The following PTPRN2 variants were observed in gnomAD, a reference collection of about 807,000 sequenced individuals.
PTPRN2 encodes the protein receptor-type tyrosine-protein phosphatase N2.
PTPRN2 carries 74 observed loss-of-function variants against 118.8 expected under a neutral mutation model. The ratio of observed to expected loss-of-function variants is 0.62; its 90% confidence interval spans 0.52 to 0.76. PTPRN2 has a LOEUF of 0.76. PTPRN2 is among the 30% of genes least tolerant of loss of function. The pLI is 0.00. For missense variants in PTPRN2, 1,481 were observed against 1,394.4 expected, an observed-to-expected ratio of 1.06 and a Z score of -0.99; for synonymous variants, 641 against 608.0, an observed-to-expected ratio of 1.05 and a Z score of -0.80.
At chr7:157,839,086 G>A (rs1191214563) in intron 12 of PTPRN2, among the ~76,000 whole-genome samples, 1 of 152,278 alleles carries the variant, frequency 6.6e-6, no homozygotes, top group African/African-American at 2.4e-5. Flanking sequence ...CGTCTTCCCT[G>A]GGGTGGCTAC....
At chr7:157,923,075 T>C (rs1798775118) in intron 11 of PTPRN2, among the ~76,000 whole-genome samples, 2 of 152,214 alleles carry the variant, frequency 1.3e-5, no homozygotes, top group African/African-American at 2.4e-5. Context: ...TAATGTAAAA[T>C]TTAGCCTAGG....
chr7:157,597,169 G>A (rs1227241122), intron 16 of PTPRN2, among the ~76,000 whole-genome samples: 1 of 152,232 alleles, frequency 6.6e-6, no homozygotes, highest in African/African-American at 2.4e-5. Flanking sequence ...ACAACACGGT[G>A]ACGCTAGCCG....
chr7:157,911,266 G>C (rs1006594750), intron 11 of PTPRN2, among the ~76,000 whole-genome samples: 2 of 152,200 alleles, frequency 1.3e-5, no homozygotes, highest in African/African-American at 4.8e-5. Flanking sequence ...GCAATGCGGT[G>C]ATCTCCAGGA....
chr7:158,399,062 T>C (rs1413932544), intron 2 of PTPRN2, among the ~76,000 whole-genome samples: 1 of 152,256 alleles, frequency 6.6e-6, no homozygotes, highest in Non-Finnish European at 1.5e-5. Context: ...TCTTCTTGTT[T>C]TTCCTGGAGT....
intron 1 of PTPRN2, among the ~76,000 whole-genome samples, chr7:158,491,228 C>G (rs1305659122): frequency 6.6e-6 from 1 of 152,220 alleles, no homozygotes; most frequent in Non-Finnish European, 1.5e-5. Flanking sequence ...CAGCCTCGCT[C>G]GTCTCACAAC....
chr7:157,575,656 C>T (rs1799996594), intron 19 of PTPRN2, among the ~76,000 whole-genome samples: 1 of 152,196 alleles, frequency 6.6e-6, no homozygotes, highest in Admixed American at 6.5e-5. Flanking sequence ...TTCTTTATGA[C>T]AATCTTTGTC....
At chr7:157,809,806 A>G (rs1805869564) in intron 12 of PTPRN2, among the ~76,000 whole-genome samples, 2 of 152,124 alleles carry the variant, frequency 1.3e-5, no homozygotes, top group Non-Finnish European at 1.5e-5. Flanking sequence ...CTGTGGTTTG[A>G]AGCCACCCAG....
rs1802690838 is a variant in PTPRN2 at position 158,319,527 on chromosome 7, T to TC, written c.164-2596dup. ...CCTCCCCCCACACACACAGCCTCCC[T>TC]CACACACACAGCCTCCCTCACACAC... On this transcript the variant is annotated intron_variant, in intron 2 of 22. Transcript: ENST00000389418. Among the ~76,000 whole-genome samples the TC allele has an allele frequency of 5.7e-5, 2 of 34,938 alleles. 1 individual carries two copies. The highest frequency in any genetic ancestry group is 1.0e-4 in the Non-Finnish European group (2 of 19,264). 22.9% of individuals were successfully genotyped at this position (34,938 alleles called of 152,430 possible). A position where few individuals can be genotyped will look rare whatever the true frequency, so the allele number is the denominator to read the frequency against.
intron 3 of PTPRN2, among the ~76,000 whole-genome samples, chr7:158,222,165 G>T (rs1462528384): frequency 6.6e-6 from 1 of 152,130 alleles, no homozygotes; most frequent in African/African-American, 2.4e-5. Context: ...AAAGCAGTTT[G>T]GAAATTTCTC....
chr7:158,185,216 C>T (rs1419598812), intron 5 of PTPRN2, among the ~76,000 whole-genome samples: 2 of 152,000 alleles, frequency 1.3e-5, no homozygotes, highest in Non-Finnish European at 2.9e-5. Context: ...AAATCTTTCT[C>T]TGTATGATTT....
intron 21 of PTPRN2, among the ~76,000 whole-genome samples, chr7:157,558,341 G>C (rs1357742406): frequency 6.6e-6 from 1 of 152,160 alleles, no homozygotes; most frequent in Non-Finnish European, 1.5e-5. Context: ...GTACATCCTG[G>C]AGCATCCGTG....
chr7:157,724,128 G>A (rs996263074), intron 12 of PTPRN2, among the ~76,000 whole-genome samples: 1 of 151,930 alleles, frequency 6.6e-6, no homozygotes, highest in Non-Finnish European at 1.5e-5. Flanking sequence ...TCTGAATCGC[G>A]CTGGTGTATC....
intron 2 of PTPRN2, among the ~76,000 whole-genome samples, chr7:158,342,986 T>C (rs1261109897): frequency 2.0e-5 from 3 of 152,190 alleles, no homozygotes; most frequent in Non-Finnish European, 4.4e-5. Context: ...CAGCTCTGCG[T>C]TGCAGTGAGC....
In PTPRN2 at chr7:158,319,451, C is replaced by T. The variant is rs199684524; in HGVS notation, c.164-2519G>A. ...ACACACACACAGCCTCCCTCACACA[C>T]GCACACAGCCTCCCTCACACACAAG... On this transcript the variant is annotated intron_variant, in intron 2 of 22. Coordinates refer to ENST00000389418, the MANE Select transcript of PTPRN2 (RefSeq NM_002847.5). Among the ~76,000 whole-genome samples, 7 of 110,648 alleles carry T rather than the reference C, an allele frequency of 6.3e-5. 2 individuals are homozygous for T. The highest frequency in any genetic ancestry group is 1.1e-4 in the African/African-American group (3 of 27,540). The allele number at this position is 110,648 out of a possible 152,430, so 72.6% of individuals were successfully genotyped here. A position where few individuals can be genotyped will look rare whatever the true frequency, so the allele number is the denominator to read the frequency against.
chr7:158,341,498 ACGTG>A lies in PTPRN2; in HGVS notation c.164-24570_164-24567del, dbSNP rs1325026661. Among the ~76,000 whole-genome samples, 97 of 137,500 alleles carry A rather than the reference ACGTG, an allele frequency of 7.1e-4. 5 individuals carry two copies. The highest frequency in any genetic ancestry group is 6.7e-3 in the South Asian group (27 of 4,002). 90.2% of individuals were successfully genotyped at this position (137,500 alleles called of 152,430 possible). Reference sequence around the variant, plus strand: ...CCACACTCTCACCATAATTGGTGACACGTGCAGACGTCACTCACACCCACACTCT... The same window carrying A: ...CCACACTCTCACCATAATTGGTGACACAGACGTCACTCACACCCACACTCT... On this transcript the variant is annotated intron_variant, in intron 2 of 22. Coordinates refer to ENST00000389418, the MANE Select transcript of PTPRN2 (RefSeq NM_002847.5).
intron 3 of PTPRN2, among the ~76,000 whole-genome samples, chr7:158,278,152 T>C (rs551212973): frequency 1.3e-5 from 2 of 152,234 alleles, no homozygotes; most frequent in Admixed American, 1.3e-4. Context: ...GTAACATGTC[T>C]AGAACATTCC....
At chr7:157,566,152 A>C (rs113503648) in intron 21 of PTPRN2, among the ~76,000 whole-genome samples, 4 of 152,382 alleles carry the variant, frequency 2.6e-5, no homozygotes, top group African/African-American at 9.6e-5. Flanking sequence ...AGCTAAAAGC[A>C]TGCAGAGGCC....
intron 5 of PTPRN2, among the ~76,000 whole-genome samples, chr7:158,181,404 G>T (rs913160587): frequency 2.0e-4 from 30 of 151,998 alleles, no homozygotes; most frequent in African/African-American, 7.2e-4. Flanking sequence ...GTTTGCTTTT[G>T]TTCATTATTT....
chr7:158,178,589 C>CTTTTTTTTTTT (rs56710690), intron 5 of PTPRN2, among the ~76,000 whole-genome samples: 1 of 67,390 alleles, frequency 1.5e-5, no homozygotes, highest in Non-Finnish European at 2.8e-5. Flanking sequence ...CATTTTCTTT[C>CTTTTTTTTTTT]TTTTTTTTTT....
Sources: allele counts gnomAD v4.1 joint callset (sites outside exome capture counted in the v4.1 genomes callset), GRCh38; gene constraint gnomAD v4.1.1; transcripts MANE v1.5; gene names NCBI Gene and HGNC (gene_info 2026-07-23, HGNC 2026-07-21).